The following GRIK4 variants were observed in gnomAD, a reference collection of about 807,000 sequenced individuals.
The protein encoded by GRIK4 is glutamate ionotropic receptor kainate type subunit 4.
In GRIK4, 40 loss-of-function variants were observed where a neutral mutation model predicts 104.9. The ratio of observed to expected loss-of-function variants is 0.38; its 90% CI spans 0.30 to 0.50. The LOEUF (loss-of-function observed/expected upper bound fraction) is 0.50, where lower values mean the gene tolerates loss of function less well. Among genes scored for constraint, GRIK4 ranks in the 20% least tolerant of loss-of-function variants. The pLI, the probability that GRIK4 is intolerant of heterozygous loss-of-function variation, is 0.93. For synonymous variants in GRIK4, 485 were observed against 524.9 expected, an observed-to-expected ratio of 0.92 and a Z score of 1.04; for missense variants, 1,047 against 1,308.1, an observed-to-expected ratio of 0.80 and a Z score of 3.08.
intron 1 of GRIK4, among the ~76,000 whole-genome samples, chr11:120,616,640 A>G (rs1205970493): frequency 6.6e-6 from 1 of 152,192 alleles, no homozygotes; most frequent in Non-Finnish European, 1.5e-5. Context: ...GGGACTGGAG[A>G]TGGTCATGCA....
intron 13 of GRIK4, among the ~76,000 whole-genome samples, chr11:120,927,252 A>G (rs898947734): frequency 6.6e-6 from 1 of 152,178 alleles, no homozygotes; most frequent in African/African-American, 2.4e-5. Flanking sequence ...TGAGGATAGC[A>G]TTGAGAGTCC....
intron 11 of GRIK4, among the ~76,000 whole-genome samples, chr11:120,881,838 G>A (rs1340357259): frequency 6.6e-6 from 1 of 152,154 alleles, no homozygotes; most frequent in East Asian, 1.9e-4. Context: ...CTGCACTCCT[G>A]AGTCATGTAA....
chr11:120,828,085 C>T (rs1953314865), intron 6 of GRIK4, among the ~76,000 whole-genome samples: 1 of 152,156 alleles, frequency 6.6e-6, no homozygotes, highest in South Asian at 2.1e-4. Flanking sequence ...TCCTGCCTGG[C>T]ACTGCTGCTC....
intron 3 of GRIK4, among the ~76,000 whole-genome samples, chr11:120,716,315 C>T (rs1565311492): frequency 6.6e-6 from 1 of 152,158 alleles, no homozygotes. Flanking sequence ...CTGATCTCAG[C>T]TCCCTGCAAC....
At chr11:120,597,758 A>T (rs940896021) in intron 1 of GRIK4, among the ~76,000 whole-genome samples, 5 of 152,058 alleles carry the variant, frequency 3.3e-5, no homozygotes, top group Admixed American at 1.3e-4. Context: ...AGCATCTGAA[A>T]GCGAAAGGGA....
intron 1 of GRIK4, among the ~76,000 whole-genome samples, chr11:120,529,921 C>T (rs926416687): frequency 2.0e-5 from 3 of 152,224 alleles, no homozygotes; most frequent in South Asian, 2.1e-4. Context: ...CTGGCATGCC[C>T]CGAGTCACAC....
rs79859365 is a variant in GRIK4, at chr11:120,714,528, G to A, written c.82+54128G>A. 2.0e-3 allele frequency among the ~76,000 whole-genome samples: 306 copies of A among 152,272 alleles called. 2 individuals are homozygous for A. The highest frequency in any genetic ancestry group is 7.0e-3 in the African/African-American group (290 of 41,554). On this transcript the variant is annotated intron_variant, in intron 3 of 20. Coordinates refer to ENST00000527524, the MANE Select transcript of GRIK4 (RefSeq NM_014619.5). Reference sequence around the variant, plus strand: ...GGAACTTAAATCTCGTGGAGGTTAGGGAGAGGACACAGAAGATTAAGCACT... The same window carrying A: ...GGAACTTAAATCTCGTGGAGGTTAGAGAGAGGACACAGAAGATTAAGCACT...
At chr11:120,725,747 A>T (rs1486996727) in intron 3 of GRIK4, among the ~76,000 whole-genome samples, 1 of 149,548 alleles carries the variant, frequency 6.7e-6, no homozygotes, top group African/African-American at 2.4e-5. Flanking sequence ...TATGTTTATA[A>T]AAAAAAAAAA....
chr11:120,739,395 A>G lies in GRIK4; in HGVS notation c.83-63298A>G, dbSNP rs573978995. On this transcript the variant is annotated intron_variant, in intron 3 of 20. Transcript: ENST00000527524. ...TGCTTTGCTGCCCTCTGTGTCAGAA[A>G]CTCAAGAGACATTCCCACAGGTCTG... Among the ~76,000 whole-genome samples the G allele has an allele frequency of 3.3e-5, 5 of 152,168 alleles. No homozygotes were observed. The East Asian group carries it at 9.7e-4, about 29-fold the overall frequency.
chr11:120,972,986 C>T (rs1005886353), intron 19 of GRIK4, among the ~76,000 whole-genome samples: 5 of 152,060 alleles, frequency 3.3e-5, no homozygotes, highest in Admixed American at 6.6e-5. Flanking sequence ...AAGTGGACTA[C>T]GGCATAAGAC....
chr11:120,728,872 T>C (rs963696130), intron 3 of GRIK4, among the ~76,000 whole-genome samples: 4 of 152,290 alleles, frequency 2.6e-5, no homozygotes, highest in Admixed American at 2.6e-4. Flanking sequence ...TAAACTATTC[T>C]ATTGCACCAA....
intron 1 of GRIK4, chr11:120,576,561 A>G (rs539148047): frequency 6.6e-6 from 1 of 152,540 alleles, no homozygotes; most frequent in South Asian, 2.1e-4. Flanking sequence ...ATGGAGGCCA[A>G]AGGTAAGGTG....
chr11:120,921,410 T>C (rs1276172229), intron 13 of GRIK4, among the ~76,000 whole-genome samples: 1 of 152,206 alleles, frequency 6.6e-6, no homozygotes, highest in Non-Finnish European at 1.5e-5. Context: ...CATCCCAGCG[T>C]TGATGCCAAA....
intron 6 of GRIK4, among the ~76,000 whole-genome samples, 161 bp downstream of exon 6, chr11:120,820,081 CCG>C (rs1953070130): frequency 8.3e-6 from 1 of 120,344 alleles, no homozygotes; most frequent in Non-Finnish European, 1.7e-5. Context: ...GCTCATGTGT[CCG>C]TGTGTGTGTG....
intron 3 of GRIK4, among the ~76,000 whole-genome samples, chr11:120,676,779 G>T (rs1421391812): frequency 2.0e-5 from 3 of 152,194 alleles, no homozygotes; most frequent in Non-Finnish European, 4.4e-5. Context: ...GTTTGATGGG[G>T]ACAAACAAAC....
At chr11:120,714,713 G>C (rs1344622762) in intron 3 of GRIK4, among the ~76,000 whole-genome samples, 1 of 152,194 alleles carries the variant, frequency 6.6e-6, no homozygotes, top group Non-Finnish European at 1.5e-5. Flanking sequence ...TGTTACTCTA[G>C]ATGAAGGGGA....
intron 4 of GRIK4, among the ~76,000 whole-genome samples, chr11:120,805,042 A>G (rs945195406): frequency 1.4e-5 from 2 of 147,370 alleles, no homozygotes; most frequent in South Asian, 4.1e-4. Flanking sequence ...GTGAGTGCCT[A>G]TTATATTTTA....
At chr11:120,918,611 C>T (rs1943162638) in intron 13 of GRIK4, among the ~76,000 whole-genome samples, 1 of 152,086 alleles carries the variant, frequency 6.6e-6, no homozygotes, top group South Asian at 2.1e-4. Flanking sequence ...TACAAAAATG[C>T]CTTTAGCTTG....
chr11:120,701,422 T>C (rs1432980980), intron 3 of GRIK4, among the ~76,000 whole-genome samples: 1 of 152,204 alleles, frequency 6.6e-6, no homozygotes, highest in African/African-American at 2.4e-5. Flanking sequence ...TAATTTCCTC[T>C]AGGTTCATTC....
Sources: allele counts gnomAD v4.1 joint callset (sites outside exome capture counted in the v4.1 genomes callset), GRCh38; gene constraint gnomAD v4.1.1; transcripts MANE v1.5; gene names NCBI Gene and HGNC (gene_info 2026-07-23, HGNC 2026-07-21).